Variants in EFCC1 observed in about 807,000 individuals in gnomAD.
EFCC1 encodes EF-hand and coiled-coil domain containing 1.
In EFCC1, 50 loss-of-function variants were observed where a neutral mutation model predicts 52.1. The observed-to-expected ratio is 0.96, with a 90% CI of 0.76 to 1.21. The LOEUF is 1.21. EFCC1 is among the 50% of genes most tolerant of loss of function. EFCC1 has a pLI of 0.00. For synonymous variants in EFCC1, 399 were observed against 396.5 expected, an observed-to-expected ratio of 1.01 and a Z score of -0.08; for missense variants, 837 against 867.3, an observed-to-expected ratio of 0.97 and a Z score of 0.44.
At chr3:129,022,030 C>T (rs1054456760) in intron 2 of EFCC1, among the ~76,000 whole-genome samples, 2 of 152,172 alleles carry the variant, frequency 1.3e-5, no homozygotes, top group African/African-American at 2.4e-5. Context: ...GGGGCAGGCG[C>T]AGAGCTCTGC....
At position 129,038,827 on chromosome 3, in the gene EFCC1, T is replaced by C. The variant is rs1946388207; in HGVS notation, c.1594-4T>C. 2.5e-6 allele frequency: 4 copies of C among 1,613,510 alleles called. No individual in the cohort carries two copies. The African/African-American group carries it at 4.0e-5, about 16-fold the overall frequency. ...ATCCAGCCTTGTTTCCATTTCTTTT[T>C]AAGAACATATCGAAAAGAGCCCTGG... On this transcript the variant is annotated splice_region_variant and splice_polypyrimidine_tract_variant and intron_variant, in intron 6 of 7. Coordinates refer to ENST00000683648, the MANE Select transcript of EFCC1 (RefSeq NM_001377500.1).
Position 129,010,232 on chromosome 3 carries a change from C to G in EFCC1, c.980+6155C>G, listed in dbSNP as rs771025629. On this transcript the variant is annotated intron_variant, in intron 2 of 7. Transcript: ENST00000683648. The surrounding 1 kb of genome is among the most constrained non-coding windows in gnomAD (Gnocchi z 4.3). ...GGTCTCTGGTGGGTTTGTGACATCT[C>G]GTCCTTTTGAAACCGCCCATATCTC... is the stretch of plus-strand genomic sequence containing the variant. 2.0e-5 allele frequency among the ~76,000 whole-genome samples: 3 copies of G among 152,256 alleles called. No individual in the cohort carries two copies. Among genetic ancestry groups the G allele is most frequent in the African/African-American group, 4.8e-5 (2 of 41,466 alleles).
intron 2 of EFCC1, among the ~76,000 whole-genome samples, chr3:129,016,550 C>A (rs1241273804): frequency 1.3e-5 from 2 of 151,684 alleles, no homozygotes. Flanking sequence ...GTGAGCTCCA[C>A]CTGCCTGCCA....
At chr3:129,013,852 G>A (rs544513243) in intron 2 of EFCC1, among the ~76,000 whole-genome samples, 1 of 152,344 alleles carries the variant, frequency 6.6e-6, no homozygotes, top group East Asian at 1.9e-4. Context: ...GCTACTTGTG[G>A]GCAATGATGG....
chr3:129,031,086 A>C (rs1946263426), intron 3 of EFCC1, among the ~76,000 whole-genome samples: 1 of 152,108 alleles, frequency 6.6e-6, no homozygotes, highest in Admixed American at 6.5e-5. Context: ...GGAGGTCAGG[A>C]TACACTGAGA....
intron 2 of EFCC1, among the ~76,000 whole-genome samples, chr3:129,017,491 C>G (rs1466489894): frequency 6.6e-6 from 1 of 152,224 alleles, no homozygotes; most frequent in Admixed American, 6.5e-5. Flanking sequence ...GGTCTGGACC[C>G]CCTGGGAAAG....
At chr3:129,017,607 A>G (rs1559964704) in intron 2 of EFCC1, among the ~76,000 whole-genome samples, 2 of 152,184 alleles carry the variant, frequency 1.3e-5, no homozygotes, top group South Asian at 2.1e-4. Context: ...CTTCACCCAC[A>G]TTGCTTTCAT....
intron 2 of EFCC1, among the ~76,000 whole-genome samples, chr3:129,027,084 C>G (rs924542539): frequency 2.6e-5 from 4 of 152,176 alleles, no homozygotes; most frequent in African/African-American, 7.2e-5. Context: ...GGCACAACTT[C>G]CCGCTTCGTC....
rs971841621 is a variant in EFCC1, at chr3:129,001,635, C to T, written c.7C>T (p.Pro3Ser). ME[P>S]VSTGAEAGME... ...CGAGGCGCGCGGCGCAGCGATGGAG[C>T]CGGTCAGCACGGGCGCGGAGGCCGG... The change falls in exon 1 of 8, where the codon CCG (proline) becomes TCG (serine). Residue 3 changes from proline (P) to serine (S), a missense_variant. Physicochemically the swap from Pro to Ser is moderately conservative, Grantham distance 74. Transcript: ENST00000683648. 7.3e-7 allele frequency: 1 copy of T among 1,364,288 alleles called. No individual in the cohort carries two copies. Among genetic ancestry groups the T allele is most frequent in the Non-Finnish European group, 9.4e-7 (1 of 1,063,598 alleles). The allele number at this position is 1,364,288 out of a possible 1,614,324, so 84.5% of individuals were successfully genotyped here.
At chr3:129,002,567 A>C (rs1944843798) in intron 1 of EFCC1, 2 of 677,350 alleles carry the variant, frequency 3.0e-6, no homozygotes, top group Non-Finnish European at 4.4e-6. Context: ...CACTCAAACA[A>C]CCATACCCCA....
At position 129,001,726 on chromosome 3, in the gene EFCC1, C is replaced by T. The variant is rs574809471; in HGVS notation, c.98C>T (p.Ala33Val). ...CGGCGCACGCAGTGGCTGCTGAGCG[C>T]CCTGGCGCACCACTACGGGCTGGAC... ...PARRTQWLLS[A>V]LAHHYGLDRG... The change falls in exon 1 of 8, where the codon GCC becomes GTC. Residue 33 changes from alanine (A) to valine (V), a missense_variant. Coordinates refer to ENST00000683648, the MANE Select transcript of EFCC1 (RefSeq NM_001377500.1). 207 of 1,523,310 alleles carry T rather than the reference C, an allele frequency of 1.4e-4. 2 individuals are homozygous for T. The African/African-American group carries it at 2.8e-3, about 21-fold the overall frequency. 94.4% of individuals were successfully genotyped at this position (1,523,310 alleles called of 1,614,324 possible). A position where few individuals can be genotyped will look rare whatever the true frequency, so the allele number is the denominator to read the frequency against.
At chr3:129,032,691 G>A in intron 3 of EFCC1, 128 bp from the exon 4 acceptor site, 1 of 1,342,540 alleles carries the variant, frequency 7.4e-7, no homozygotes, top group African/African-American at 1.5e-5. Context: ...GGATGTGGGG[G>A]TGGCTGTCTC....
Position 129,038,825 on chromosome 3 carries a change from T to A in EFCC1, c.1594-6T>A. The A allele has an allele frequency of 1.2e-6, 2 of 1,613,678 alleles. No individual in the cohort carries two copies. The highest frequency in any genetic ancestry group is 1.7e-6 in the Non-Finnish European group (2 of 1,179,960). ...TAATCCAGCCTTGTTTCCATTTCTT[T>A]TTAAGAACATATCGAAAAGAGCCCT... On this transcript the variant is annotated splice_region_variant and splice_polypyrimidine_tract_variant and intron_variant, in intron 6 of 7. Transcript: ENST00000683648.
At chr3:129,035,881 T>C (rs533672119) in intron 5 of EFCC1, among the ~76,000 whole-genome samples, 1 of 152,222 alleles carries the variant, frequency 6.6e-6, no homozygotes, top group African/African-American at 2.4e-5. Context: ...GAAATGGGCA[T>C]AATAATGGTA....
intron 1 of EFCC1, 90 bp downstream of exon 1, chr3:129,002,414 T>G: frequency 7.0e-7 from 1 of 1,431,044 alleles, no homozygotes. Context: ...CAGGACAGAG[T>G]CAGAGGAAGG....
In EFCC1 at chr3:129,040,045, C is replaced by A. The variant is rs998023566; in HGVS notation, c.*197C>A. 1.5e-5 allele frequency: 9 copies of A among 603,398 alleles called. No homozygotes were observed. The highest frequency in any genetic ancestry group is 3.7e-5 in the Admixed American group (1 of 26,714). 37.4% of individuals were successfully genotyped at this position (603,398 alleles called of 1,614,324 possible). ...ACCTGGCAGCCACCCCTTCCTCGGG[C>A]TCCTCCACATTACCTCGCAGCCCCT... is the stretch of plus-strand genomic sequence containing the variant. On this transcript the variant is annotated 3_prime_UTR_variant, in exon 8 of 8. Transcript: ENST00000683648. This position sits in a 1 kb window ranked among gnomAD's most constrained non-coding sequence, Gnocchi z 4.4.
chr3:129,038,690 C>T (rs946600868), intron 6 of EFCC1, 141 bp from the exon 7 acceptor site: 1 of 793,516 alleles, frequency 1.3e-6, no homozygotes, highest in Admixed American at 2.0e-5. Context: ...GGTAGGGGGC[C>T]AAGAAGCGAT....
intron 2 of EFCC1, among the ~76,000 whole-genome samples, chr3:129,022,510 C>G (rs1242420145): frequency 1.3e-5 from 2 of 152,142 alleles, no homozygotes; most frequent in Non-Finnish European, 2.9e-5. Context: ...TTGTATAAGC[C>G]CCTGGGCTGG....
At chr3:129,002,551 C>A in intron 1 of EFCC1, 1 of 846,724 alleles carries the variant, frequency 1.2e-6, no homozygotes, top group Non-Finnish European at 1.7e-6. Context: ...CTGAAAACCC[C>A]AATCACACTC....
Sources: gnomAD v4.1 joint callset for allele counts (sites outside exome capture counted in the v4.1 genomes callset) on GRCh38, gnomAD v4.1.1 for gene constraint, Gnocchi (gnomAD v3.1) non-coding constraint, MANE v1.5 for transcripts, NCBI Gene and HGNC (gene_info 2026-07-23, HGNC 2026-07-21) for gene names.